ELMO1: variants seen among roughly 807,000 people sequenced by gnomAD.
ELMO1 encodes the protein engulfment and cell motility 1, also known as engulfment and cell motility protein 1.
ELMO1 carries 26 observed loss-of-function variants against 98.9 expected under a neutral mutation model. The ratio of observed to expected loss-of-function variants is 0.26; its 90% CI spans 0.19 to 0.36. The LOEUF is 0.36. Ranked by LOEUF, ELMO1 falls within the 10% of genes least tolerant of loss-of-function variation. The pLI, the probability that ELMO1 is intolerant of heterozygous loss-of-function variation, is 1.00. For synonymous variants in ELMO1, 346 were observed against 346.0 expected, an observed-to-expected ratio of 1.00 and a Z score of 0.00; for missense variants, 627 against 935.2, an observed-to-expected ratio of 0.67 and a Z score of 4.30.
intron 17 of ELMO1, among the ~76,000 whole-genome samples, chr7:36,888,042 T>C (rs1805191858): frequency 6.6e-6 from 1 of 152,202 alleles, no homozygotes; most frequent in Non-Finnish European, 1.5e-5. Flanking sequence ...TTTTCCCCTG[T>C]ACCAGCTAAA....
At chr7:37,092,823 A>C (rs961756815) in intron 15 of ELMO1, among the ~76,000 whole-genome samples, 13 of 152,154 alleles carry the variant, frequency 8.5e-5, no homozygotes, top group African/African-American at 3.1e-4. Flanking sequence ...GCATACAGCC[A>C]GTGACTGAGC....
chr7:36,892,266 G>A (rs920458040), intron 17 of ELMO1, among the ~76,000 whole-genome samples: 1 of 152,276 alleles, frequency 6.6e-6, no homozygotes, highest in East Asian at 1.9e-4. Context: ...TGGTGGTCAG[G>A]CCCCAGCCAA....
At chr7:37,031,344 T>C (rs773257911) in intron 15 of ELMO1, among the ~76,000 whole-genome samples, 1 of 152,198 alleles carries the variant, frequency 6.6e-6, no homozygotes, top group African/African-American at 2.4e-5. Flanking sequence ...CCAGAATGCA[T>C]TTGCCAAGGG....
chr7:37,307,363 C>T (rs1251663425), intron 4 of ELMO1, among the ~76,000 whole-genome samples: 1 of 152,142 alleles, frequency 6.6e-6, no homozygotes, highest in African/African-American at 2.4e-5. Context: ...GGGCTCTCCC[C>T]ACTTCACTCT....
chr7:37,142,084 T>G (rs554120415), intron 13 of ELMO1, among the ~76,000 whole-genome samples: 3 of 152,362 alleles, frequency 2.0e-5, no homozygotes, highest in Admixed American at 6.5e-5. Flanking sequence ...GAACTGCTAC[T>G]AATGATAAGA....
intron 16 of ELMO1, among the ~76,000 whole-genome samples, chr7:36,921,842 G>C (rs1422227385): frequency 6.6e-6 from 1 of 152,196 alleles, no homozygotes; most frequent in Non-Finnish European, 1.5e-5. Context: ...TGGGGCATTT[G>C]CTGGGCTTTA....
chr7:37,161,907 T>TAC (rs1350959138), intron 13 of ELMO1, among the ~76,000 whole-genome samples: 4 of 69,736 alleles, frequency 5.7e-5, no homozygotes, highest in Non-Finnish European at 9.5e-5. Context: ...GGTAATCAAA[T>TAC]ATATATATAT....
Position 37,092,264 on chromosome 7 carries a change from T to C in ELMO1, c.1300+4355A>G, listed in dbSNP as rs549569606. On this transcript the variant is annotated intron_variant, in intron 15 of 21. Coordinates refer to ENST00000310758, the MANE Select transcript of ELMO1 (RefSeq NM_014800.11). The stretch of plus-strand genomic sequence containing the variant: ...AAACAAGGGACATTGTTCCAGGCCC[T>C]AGATCCAGCTGTCATTTATGCCACA... 2.6e-4 allele frequency among the ~76,000 whole-genome samples: 39 copies of C among 151,092 alleles called. No homozygotes were observed. In the East Asian group the frequency reaches 7.4e-3, roughly 29 times the overall value.
At chr7:37,034,599 G>A (rs1178372400) in intron 15 of ELMO1, among the ~76,000 whole-genome samples, 1 of 151,998 alleles carries the variant, frequency 6.6e-6, no homozygotes, top group Non-Finnish European at 1.5e-5. Context: ...TACATATTTT[G>A]CATGTTATAT....
At chr7:37,406,830 A>G (rs1442611766) in intron 1 of ELMO1, among the ~76,000 whole-genome samples, 1 of 152,198 alleles carries the variant, frequency 6.6e-6, no homozygotes, top group Non-Finnish European at 1.5e-5. Context: ...TTAAAATGGT[A>G]TGACTCACTA....
intron 15 of ELMO1, among the ~76,000 whole-genome samples, chr7:37,060,897 G>A (rs375902222): frequency 6.6e-6 from 1 of 152,076 alleles, no homozygotes; most frequent in Non-Finnish European, 1.5e-5. Context: ...GGAGAGGGGA[G>A]GACAGAGACA....
chr7:36,993,549 C>G (rs775842261), intron 16 of ELMO1, among the ~76,000 whole-genome samples: 2 of 152,110 alleles, frequency 1.3e-5, no homozygotes, highest in Non-Finnish European at 2.9e-5. Flanking sequence ...AAATGTGAAC[C>G]ATGACCCCTA....
intron 15 of ELMO1, among the ~76,000 whole-genome samples, chr7:37,033,921 C>A (rs1795027574): frequency 6.6e-6 from 1 of 152,068 alleles, no homozygotes; most frequent in Non-Finnish European, 1.5e-5. Context: ...GTAACTCTCT[C>A]AATTAGGTTT....
chr7:36,868,955 G>C (rs1803280062), intron 20 of ELMO1, among the ~76,000 whole-genome samples: 1 of 152,186 alleles, frequency 6.6e-6, no homozygotes, highest in South Asian at 2.1e-4. Flanking sequence ...ATTGTGGAGA[G>C]AATACCTGAC....
intron 1 of ELMO1, among the ~76,000 whole-genome samples, chr7:37,402,787 T>C (rs1803589583): frequency 6.6e-6 from 1 of 152,226 alleles, no homozygotes; most frequent in Non-Finnish European, 1.5e-5. Flanking sequence ...GTACCTGCAT[T>C]TTTCCACATA....
At chr7:37,178,536 A>T (rs926493526) in intron 13 of ELMO1, among the ~76,000 whole-genome samples, 3 of 152,104 alleles carry the variant, frequency 2.0e-5, no homozygotes, top group African/African-American at 7.2e-5. Flanking sequence ...CAGGAGGCAG[A>T]GGTTGCAGTA....
intron 14 of ELMO1, among the ~76,000 whole-genome samples, chr7:37,103,176 C>T (rs749174824): frequency 1.1e-4 from 17 of 152,172 alleles, no homozygotes; most frequent in Non-Finnish European, 2.4e-4. Context: ...ATTACATAAA[C>T]GCTTGTTCCA....
At chr7:37,275,605 T>G (rs1796791028) in intron 4 of ELMO1, among the ~76,000 whole-genome samples, 1 of 152,182 alleles carries the variant, frequency 6.6e-6, no homozygotes, top group Non-Finnish European at 1.5e-5. Context: ...GCACTGCATC[T>G]AGACTCCAAC....
intron 17 of ELMO1, among the ~76,000 whole-genome samples, chr7:36,894,504 C>T (rs1485062975): frequency 6.6e-6 from 1 of 152,186 alleles, no homozygotes; most frequent in East Asian, 1.9e-4. Flanking sequence ...TCTTGCTATT[C>T]AAAGGGCACC....
Sources: gnomAD v4.1 joint callset for allele counts (sites outside exome capture counted in the v4.1 genomes callset) on GRCh38, gnomAD v4.1.1 for gene constraint, MANE v1.5 for transcripts, NCBI Gene and HGNC (gene_info 2026-07-23, HGNC 2026-07-21) for gene names.